Variants in PPP4R1 observed in about 807,000 individuals in gnomAD.
The protein encoded by PPP4R1 is serine/threonine-protein phosphatase 4 regulatory subunit 1.
Under a neutral mutation model 111.2 loss-of-function variants are expected in PPP4R1, and 42 were observed. That is an observed-to-expected ratio of 0.38 (90% CI 0.29 to 0.49). The LOEUF (loss-of-function observed/expected upper bound fraction) is 0.49. PPP4R1 is among the 20% of genes least tolerant of loss of function. PPP4R1 has a pLI of 0.97. For missense variants in PPP4R1, 1,012 were observed against 1,161.6 expected, an observed-to-expected ratio of 0.87 and a Z score of 1.87; for synonymous variants, 409 against 405.5, an observed-to-expected ratio of 1.01 and a Z score of -0.10.
chr18:9,562,865 G>C, intron 12 of PPP4R1: 1 of 985,670 alleles, frequency 1.0e-6, no homozygotes, highest in Non-Finnish European at 1.2e-6. Context: ...ATTAGGGAAG[G>C]ATCATAGAGA....
At chr18:9,607,779 CTTTCTTTTTTT>C (rs932688014) in intron 2 of PPP4R1, among the ~76,000 whole-genome samples, 5 of 138,982 alleles carry the variant, frequency 3.6e-5, no homozygotes, top group African/African-American at 1.3e-4. Context: ...GTTTTTCTTT[CTTTCTTTTTTT>C]TTTTTTTTTT....
At chr18:9,609,013 T>C (rs897247095) in intron 2 of PPP4R1, among the ~76,000 whole-genome samples, 2 of 152,082 alleles carry the variant, frequency 1.3e-5, no homozygotes, top group African/African-American at 4.8e-5. Flanking sequence ...ATCGTGTAGC[T>C]ACAGGCCCAA....
chr18:9,548,952 A>C (rs1031518228), intron 19 of PPP4R1, among the ~76,000 whole-genome samples: 1 of 152,238 alleles, frequency 6.6e-6, no homozygotes, highest in Non-Finnish European at 1.5e-5. Context: ...CTAAGTTTTA[A>C]ATGATAAAAA....
At chr18:9,585,700 A>T (rs951546653) in intron 6 of PPP4R1, among the ~76,000 whole-genome samples, 1 of 152,226 alleles carries the variant, frequency 6.6e-6, no homozygotes, top group Admixed American at 6.5e-5. Context: ...TGTAGGCTAT[A>T]AATTAGAATA....
At chr18:9,605,032 C>G (rs890762421) in intron 2 of PPP4R1, among the ~76,000 whole-genome samples, 7 of 152,168 alleles carry the variant, frequency 4.6e-5, no homozygotes, top group African/African-American at 1.7e-4. Flanking sequence ...TCAAAACACC[C>G]TTCTATTCTC....
chr18:9,599,470 T>C (rs1024540040), intron 2 of PPP4R1, among the ~76,000 whole-genome samples: 2 of 152,086 alleles, frequency 1.3e-5, no homozygotes, highest in African/African-American at 4.8e-5. Flanking sequence ...AACAACAAGA[T>C]AAAGAGATTT....
At chr18:9,601,166 C>T (rs1425115541) in intron 2 of PPP4R1, among the ~76,000 whole-genome samples, 1 of 149,478 alleles carries the variant, frequency 6.7e-6, no homozygotes, top group African/African-American at 2.5e-5. Context: ...AAAAAGCATG[C>T]AATACAGTGT....
intron 11 of PPP4R1, among the ~76,000 whole-genome samples, chr18:9,565,559 G>A (rs1367025791): frequency 6.6e-6 from 1 of 152,248 alleles, no homozygotes; most frequent in Non-Finnish European, 1.5e-5. Context: ...CATTCAAAGT[G>A]CTACTCCAGT....
intron 9 of PPP4R1, among the ~76,000 whole-genome samples, chr18:9,579,680 T>C (rs889040541): frequency 6.6e-6 from 1 of 152,222 alleles, no homozygotes; most frequent in Non-Finnish European, 1.5e-5. Flanking sequence ...GTTGTGTCTG[T>C]ATTGAACAAG....
At chr18:9,595,689 A>C (rs1385124558) in intron 2 of PPP4R1, among the ~76,000 whole-genome samples, 1 of 152,224 alleles carries the variant, frequency 6.6e-6, no homozygotes, top group African/African-American at 2.4e-5. Context: ...GACTTCAAAG[A>C]GCTAATATTC....
Position 9,577,139 on chromosome 18 carries a change from T to C in PPP4R1, c.971A>G (p.Asn324Ser), listed in dbSNP as rs1180934588. 2 of 1,608,668 alleles carry C rather than the reference T, an allele frequency of 1.2e-6. No individual in the cohort carries two copies. Among genetic ancestry groups the C allele is most frequent in the Non-Finnish European group, 1.7e-6 (2 of 1,176,548 alleles). Residue 324 changes from asparagine to serine, a missense_variant, in exon 10 of 20, where the codon AAT becomes AGT. Asn to Ser is a conservative substitution (Grantham distance 46). Around this residue, in one of 2 missense-constraint regions of PPP4R1, gnomAD observed 707 missense variants for 742.1 expected, o/e 0.95. Transcript: ENST00000400556. ...AAAATACTGGCCTGAGCTAGATGGA[T>C]TAGCAAAAGTAGATATGAAAGGTCC... The part of the protein sequence containing the change: ...SLGPFISTFA[N>S]PSSSGQYFKE...
At chr18:9,548,977 G>A (rs1341898701) in intron 19 of PPP4R1, among the ~76,000 whole-genome samples, 4 of 152,202 alleles carry the variant, frequency 2.6e-5, no homozygotes, top group South Asian at 2.1e-4. Flanking sequence ...ACATGCTTCC[G>A]ATAAATAAAC....
At chr18:9,556,987 A>G in intron 15 of PPP4R1, 1 of 337,264 alleles carries the variant, frequency 3.0e-6, no homozygotes, top group Non-Finnish European at 5.3e-6. Context: ...TCACTCAATA[A>G]TTTTGAAAAA....
chr18:9,613,486 T>C (rs1165486468), intron 2 of PPP4R1: 1 of 152,202 alleles, frequency 6.6e-6, no homozygotes, highest in African/African-American at 2.4e-5. Context: ...AACTTTGTCT[T>C]TTTAAAAATA....
At chr18:9,615,103 C>T (rs908203045), upstream of PPP4R1, 2 of 152,334 alleles carry the variant, frequency 1.3e-5, no homozygotes, top group African/African-American at 2.4e-5. Context: ...GCCGCCTCCC[C>T]ACCCGCCCGG....
intron 2 of PPP4R1, among the ~76,000 whole-genome samples, chr18:9,613,298 C>G (rs1320650786): frequency 6.6e-6 from 1 of 152,202 alleles, no homozygotes; most frequent in Non-Finnish European, 1.5e-5. Flanking sequence ...GGAAGATTAG[C>G]AAGAATAGAA....
chr18:9,555,864 T>A (rs56161617), intron 15 of PPP4R1, among the ~76,000 whole-genome samples: 220 of 148,902 alleles, frequency 1.5e-3, no homozygotes, highest in African/African-American at 4.7e-3. Context: ...AGGCCAGGCA[T>A]GGTGGCTCAC....
At chr18:9,583,380 G>T in intron 8 of PPP4R1, 105 bp from the exon 9 acceptor site, 1 of 1,184,282 alleles carries the variant, frequency 8.4e-7, no homozygotes, top group Non-Finnish European at 1.1e-6. Flanking sequence ...TTGTTTGTTT[G>T]TTTTGAGACA....
chr18:9,562,802 G>T, intron 12 of PPP4R1: 2 of 912,486 alleles, frequency 2.2e-6, no homozygotes, highest in Non-Finnish European at 2.6e-6. Context: ...ATAAACAATG[G>T]CTAAGCAGCA....
Sources: allele counts gnomAD v4.1 joint callset (sites outside exome capture counted in the v4.1 genomes callset), GRCh38; gene constraint gnomAD v4.1.1; regional missense constraint gnomAD v4.1.1; transcripts MANE v1.5; gene names NCBI Gene and HGNC (gene_info 2026-07-23, HGNC 2026-07-21).